Variants in LRRC4C observed in about 807,000 individuals in gnomAD.
LRRC4C encodes leucine rich repeat containing 4C, also known as leucine-rich repeat-containing protein 4C.
LRRC4C carries 5 observed loss-of-function variants against 33.6 expected under a neutral mutation model. That is an observed-to-expected ratio of 0.15 (90% CI 0.08 to 0.31). The LOEUF is 0.31. Among genes scored for constraint, LRRC4C ranks in the 10% least tolerant of loss-of-function variants. LRRC4C has a pLI of 1.00. For synonymous variants in LRRC4C, 329 were observed against 302.0 expected, an observed-to-expected ratio of 1.09 and a Z score of -0.93; for missense variants, 560 against 796.7, an observed-to-expected ratio of 0.70 and a Z score of 3.58.
chr11:40,759,034 TGTTA>T (rs765912497), intron 2 of LRRC4C, among the ~76,000 whole-genome samples: 22 of 149,832 alleles, frequency 1.5e-4, no homozygotes, highest in Non-Finnish European at 2.5e-4. Flanking sequence ...AGTAGCACCC[TGTTA>T]GTTATTTTCA....
intron 1 of LRRC4C, among the ~76,000 whole-genome samples, chr11:41,186,488 T>TAGTTGGC (rs1945701170): frequency 6.6e-6 from 1 of 152,226 alleles, no homozygotes. Flanking sequence ...ATTAAACTTA[T>TAGTTGGC]AGTTGGCTCA....
chr11:41,220,128 T>C (rs1260924173), intron 1 of LRRC4C, among the ~76,000 whole-genome samples: 1 of 152,000 alleles, frequency 6.6e-6, no homozygotes, highest in African/African-American at 2.4e-5. Flanking sequence ...GAAGGTGAGG[T>C]TTTTTATGCA....
intron 2 of LRRC4C, among the ~76,000 whole-genome samples, chr11:40,917,105 G>C (rs143960484): frequency 6.6e-6 from 1 of 152,194 alleles, no homozygotes; most frequent in African/African-American, 2.4e-5. Flanking sequence ...GAGTGTTAAT[G>C]AGTTTACTTC....
At chr11:41,357,457 C>A (rs1436962276) in intron 1 of LRRC4C, among the ~76,000 whole-genome samples, 1 of 151,922 alleles carries the variant, frequency 6.6e-6, no homozygotes, top group African/African-American at 2.4e-5. Context: ...GTAAAGCAAT[C>A]AATATTTTCA....
chr11:40,912,312 C>T (rs1178890660), intron 2 of LRRC4C, among the ~76,000 whole-genome samples: 21 of 152,204 alleles, frequency 1.4e-4, no homozygotes, highest in African/African-American at 4.8e-4. Context: ...TTGGATTACC[C>T]ACAAAGGGAA....
chr11:41,133,291 C>T (rs562770607), intron 1 of LRRC4C, among the ~76,000 whole-genome samples: 15 of 152,136 alleles, frequency 9.9e-5, no homozygotes, highest in Admixed American at 2.0e-4. Flanking sequence ...CAGGGCTAAC[C>T]ATAGGGGATG....
intron 5 of LRRC4C, among the ~76,000 whole-genome samples, chr11:40,160,852 T>C (rs951647273): frequency 1.3e-5 from 2 of 152,018 alleles, no homozygotes; most frequent in African/African-American, 2.4e-5. Flanking sequence ...GAACTAGGGG[T>C]AGGCAGATAG....
chr11:40,300,750 A>G (rs1000623340), intron 4 of LRRC4C, among the ~76,000 whole-genome samples: 1 of 152,210 alleles, frequency 6.6e-6, no homozygotes, highest in Non-Finnish European at 1.5e-5. Context: ...TTCAGGATTC[A>G]ATGTAATACC....
intron 1 of LRRC4C, among the ~76,000 whole-genome samples, chr11:41,449,240 A>G (rs1955939279): frequency 6.6e-6 from 1 of 152,186 alleles, no homozygotes; most frequent in African/African-American, 2.4e-5. Flanking sequence ...CAAAACAGAA[A>G]GTGGGCCTGG....
At chr11:40,243,606 T>C (rs1471712733) in intron 4 of LRRC4C, among the ~76,000 whole-genome samples, 2 of 152,062 alleles carry the variant, frequency 1.3e-5, no homozygotes, top group Admixed American at 6.6e-5. Context: ...ATATCACTTT[T>C]TTAATTGATC....
At chr11:40,328,047 A>C (rs1206645724) in intron 3 of LRRC4C, among the ~76,000 whole-genome samples, 3 of 152,114 alleles carry the variant, frequency 2.0e-5, no homozygotes, top group Non-Finnish European at 2.9e-5. Flanking sequence ...GAGAGTTTGT[A>C]GACAGACATT....
chr11:41,185,677 C>T (rs997364391), intron 1 of LRRC4C, among the ~76,000 whole-genome samples: 1 of 152,094 alleles, frequency 6.6e-6, no homozygotes, highest in African/African-American at 2.4e-5. Flanking sequence ...GACCTACTTA[C>T]AAAACTTGTA....
chr11:40,654,106 T>G (rs1227470212), intron 2 of LRRC4C, among the ~76,000 whole-genome samples: 2 of 152,154 alleles, frequency 1.3e-5, no homozygotes, highest in African/African-American at 4.8e-5. Flanking sequence ...AGAGACAAGT[T>G]TGCTGAGGGG....
rs538737730 is a variant in LRRC4C, at chr11:40,595,281, C to T, written c.-270+52861G>A. Among the ~76,000 whole-genome samples the T allele has an allele frequency of 2.4e-3, 368 of 151,868 alleles. 3 individuals carry two copies. The highest frequency in any genetic ancestry group is 4.0e-3 in the Non-Finnish European group (270 of 67,942). On this transcript the variant is annotated intron_variant, in intron 3 of 6. Coordinates refer to ENST00000528697, the MANE Select transcript of LRRC4C (RefSeq NM_001258419.2). ...AAATCATGATAAATATAAATTAGGA[C>T]GGTAGGGACTTACATGCTGGAAAGA...
intron 2 of LRRC4C, among the ~76,000 whole-genome samples, chr11:40,866,299 T>G (rs1156509006): frequency 6.6e-6 from 1 of 152,132 alleles, no homozygotes; most frequent in African/African-American, 2.4e-5. Flanking sequence ...AGATATTTCC[T>G]TTTAACAACC....
intron 2 of LRRC4C, among the ~76,000 whole-genome samples, chr11:40,847,111 C>T (rs1328760611): frequency 8.3e-6 from 1 of 121,050 alleles, no homozygotes; most frequent in African/African-American, 3.1e-5. Context: ...AATTTGACTT[C>T]CTCTCTTCCT....
intron 5 of LRRC4C, among the ~76,000 whole-genome samples, chr11:40,146,648 C>T (rs573318859): frequency 6.6e-6 from 1 of 152,166 alleles, no homozygotes; most frequent in Non-Finnish European, 1.5e-5. Context: ...CTTCTAAGAC[C>T]TTCCAGTCAT....
chr11:41,399,828 C>T (rs1953959762), intron 1 of LRRC4C, among the ~76,000 whole-genome samples: 1 of 151,918 alleles, frequency 6.6e-6, no homozygotes, highest in Admixed American at 6.6e-5. Flanking sequence ...TTGATGCAAA[C>T]TGCTCAGAAT....
chr11:40,580,610 T>C (rs531224959), intron 3 of LRRC4C, among the ~76,000 whole-genome samples: 1 of 152,298 alleles, frequency 6.6e-6, no homozygotes, highest in South Asian at 2.1e-4. Context: ...GCTAATCCTC[T>C]TCATAGAATA....
Sources: gnomAD v4.1 joint callset for allele counts (sites outside exome capture counted in the v4.1 genomes callset) on GRCh38, gnomAD v4.1.1 for gene constraint, MANE v1.5 for transcripts, NCBI Gene and HGNC (gene_info 2026-07-23, HGNC 2026-07-21) for gene names.